GSE1: variants seen among roughly 807,000 people sequenced by gnomAD.
GSE1 encodes the protein Gse1 coiled-coil protein.
A neutral mutation model predicts 112.6 loss-of-function variants in GSE1; 32 were observed. The ratio of observed to expected loss-of-function variants is 0.28; its 90% confidence interval spans 0.21 to 0.38. The LOEUF (loss-of-function observed/expected upper bound fraction) is 0.38, where lower values mean the gene tolerates loss of function less well. Ranked by LOEUF, GSE1 falls within the 10% of genes least tolerant of loss-of-function variation. GSE1 has a pLI of 1.00. For synonymous variants in GSE1, 1,115 were observed against 735.6 expected (o/e 1.52, Z -8.35); for missense variants, 2,348 against 1,699.2 (o/e 1.38, Z -6.71).
At chr16:85,621,943 A>C (rs1009992619) in intron 1 of GSE1, among the ~76,000 whole-genome samples, 1 of 151,998 alleles carries the variant, frequency 6.6e-6, no homozygotes, top group African/African-American at 2.4e-5. Flanking sequence ...GCGCAACAAG[A>C]ACTTTGTTAC....
chr16:85,485,530 G>A (rs1212031008), intron 2 of GSE1, among the ~76,000 whole-genome samples: 4 of 152,246 alleles, frequency 2.6e-5, no homozygotes, highest in Non-Finnish European at 5.9e-5. Context: ...TTCTGGGAGG[G>A]CATCATCCTT....
chr16:85,230,707 C>T (rs1406189161), intron 1 of GSE1, among the ~76,000 whole-genome samples: 3 of 152,226 alleles, frequency 2.0e-5, no homozygotes, highest in Admixed American at 1.3e-4. Flanking sequence ...TACCCCGGGG[C>T]ACATGCCGTG....
At chr16:85,249,066 G>C (rs1193045436) in intron 1 of GSE1, among the ~76,000 whole-genome samples, 2 of 152,330 alleles carry the variant, frequency 1.3e-5, no homozygotes, top group East Asian at 3.9e-4. Flanking sequence ...ATGCCTGAAG[G>C]CCTCCTGCCC....
chr16:85,312,212 G>GGAC (rs1390326226), intron 1 of GSE1, among the ~76,000 whole-genome samples: 1 of 151,810 alleles, frequency 6.6e-6, no homozygotes, highest in East Asian at 1.9e-4. Context: ...TGCGGGGGGG[G>GGAC]GGGGGACACA....
At chr16:85,203,514 G>C (rs2075065705) in intron 1 of GSE1, among the ~76,000 whole-genome samples, 1 of 152,206 alleles carries the variant, frequency 6.6e-6, no homozygotes, top group Admixed American at 6.5e-5. Context: ...TGGGAAGCCA[G>C]CAGGCCCTTG....
chr16:85,636,735 G>A (rs2151774441), intron 2 of GSE1, among the ~76,000 whole-genome samples: 1 of 152,296 alleles, frequency 6.6e-6, no homozygotes. Context: ...TGAGCTGGTG[G>A]TCCCGGCGGT....
intron 1 of GSE1, among the ~76,000 whole-genome samples, chr16:85,205,630 C>A (rs985501812): frequency 3.3e-5 from 5 of 152,156 alleles, no homozygotes; most frequent in South Asian, 2.1e-4. Context: ...GGGCTCTACA[C>A]TGGGGGTAAG....
intron 1 of GSE1, among the ~76,000 whole-genome samples, chr16:85,316,041 A>G (rs929925004): frequency 6.6e-6 from 1 of 152,172 alleles, no homozygotes; most frequent in African/African-American, 2.4e-5. Flanking sequence ...GAGCCATCGA[A>G]TGTCCCACCC....
intron 2 of GSE1, among the ~76,000 whole-genome samples, chr16:85,471,643 G>C (rs1026091480): frequency 2.6e-5 from 4 of 152,086 alleles, no homozygotes; most frequent in African/African-American, 9.7e-5. Context: ...TGAACTCTTG[G>C]GCTTAAGCAA....
chr16:85,471,055 C>T (rs1047515711), intron 2 of GSE1, among the ~76,000 whole-genome samples: 1 of 152,188 alleles, frequency 6.6e-6, no homozygotes, highest in Admixed American at 6.5e-5. Flanking sequence ...AGGTGCCAGG[C>T]ATTCTCTCCA....
chr16:85,510,140 GC>G (rs1298341859), intron 2 of GSE1, among the ~76,000 whole-genome samples: 1 of 152,222 alleles, frequency 6.6e-6, no homozygotes, highest in Non-Finnish European at 1.5e-5. Context: ...CTCCCTGCCT[GC>G]CCCTCGGCTC....
chr16:85,379,713 C>T (rs888472632), intron 2 of GSE1, among the ~76,000 whole-genome samples: 3 of 152,210 alleles, frequency 2.0e-5, no homozygotes, highest in African/African-American at 7.2e-5. Context: ...CGCCAGGAGT[C>T]CCGGAGTCCC....
intron 2 of GSE1, among the ~76,000 whole-genome samples, chr16:85,543,689 C>T (rs1040773146): frequency 2.0e-5 from 3 of 152,146 alleles, no homozygotes; most frequent in Admixed American, 6.6e-5. Flanking sequence ...AAAGCTGGGG[C>T]CAAGAGAGGG....
chr16:85,354,453 G>T (rs915199592), intron 1 of GSE1, among the ~76,000 whole-genome samples: 5 of 152,248 alleles, frequency 3.3e-5, no homozygotes, highest in African/African-American at 1.2e-4. Flanking sequence ...TTTTGTTCCA[G>T]TGCTGAGTTG....
chr16:85,398,875 G>A (rs932105186), intron 2 of GSE1, among the ~76,000 whole-genome samples: 7 of 152,178 alleles, frequency 4.6e-5, no homozygotes, highest in East Asian at 3.9e-4. Flanking sequence ...TGTCGAGTGC[G>A]CACCGACATG....
chr16:85,569,748 G>C (rs2045904799), intron 1 of GSE1, among the ~76,000 whole-genome samples: 1 of 152,226 alleles, frequency 6.6e-6, no homozygotes, highest in Non-Finnish European at 1.5e-5. Context: ...GAACCGAAGA[G>C]TTTACTACAC....
intron 2 of GSE1, among the ~76,000 whole-genome samples, chr16:85,413,485 C>T (rs1276713262): frequency 6.6e-6 from 1 of 151,844 alleles, no homozygotes; most frequent in Admixed American, 6.6e-5. Flanking sequence ...ATGTCACTTA[C>T]ACCTTCAGGC....
chr16:85,314,447 G>C (rs1334314101), intron 1 of GSE1, among the ~76,000 whole-genome samples: 1 of 152,204 alleles, frequency 6.6e-6, no homozygotes, highest in East Asian at 1.9e-4. Context: ...ATGAAGGGAT[G>C]TGAGGAACAG....
In GSE1 at chr16:85,565,537, G is replaced by A. The variant is rs548598281; in HGVS notation, c.37+9174G>A. On this transcript the variant is annotated intron_variant, in intron 1 of 2. Transcript: ENST00000635906. The stretch of plus-strand genomic sequence containing the variant: ...TGCATCCTCGTGCAGTGCCCACACC[G>A]GCGAGGGGCCCATGGCGAAGGGTCC... 1.1e-4 allele frequency among the ~76,000 whole-genome samples: 16 copies of A among 152,308 alleles called. No homozygotes were observed. The South Asian group carries it at 2.5e-3, about 24-fold the overall frequency.
Sources: gnomAD v4.1 joint callset for allele counts (sites outside exome capture counted in the v4.1 genomes callset) on GRCh38, gnomAD v4.1.1 for gene constraint, MANE v1.5 for transcripts, NCBI Gene and HGNC (gene_info 2026-07-23, HGNC 2026-07-21) for gene names.